Variants in NLGN1 observed in about 807,000 individuals in gnomAD.
NLGN1 encodes neuroligin 1, also known as neuroligin-1.
A neutral mutation model predicts 65.5 loss-of-function variants in NLGN1; 12 were observed. That is an observed-to-expected ratio of 0.18 (90% CI 0.12 to 0.30). The LOEUF (loss-of-function observed/expected upper bound fraction) is 0.30. NLGN1 is among the 10% of genes least tolerant of loss of function. The pLI is 1.00. For missense variants in NLGN1, 750 were observed against 1,007.1 expected (o/e 0.74, Z 3.46); for synonymous variants, 350 against 359.5 (o/e 0.97, Z 0.30).
rs572814782 is a variant in NLGN1 at position 173,502,435 on chromosome 3, T to C, written c.-321+67357T>C. Among the ~76,000 whole-genome samples the C allele has an allele frequency of 9.9e-5, 15 of 152,280 alleles. No homozygotes were observed. The East Asian group carries it at 2.9e-3, about 29-fold the overall frequency. The stretch of plus-strand genomic sequence containing the variant: ...GAGGTTTGTGCTGTGTCAAGCTATG[T>C]ATATAATAAATGCTTCCAGAGAATA... On this transcript the variant is annotated intron_variant, in intron 2 of 6. Coordinates refer to ENST00000457714, the Ensembl canonical transcript of NLGN1.
At chr3:174,049,546 T>C (rs538950806) in intron 4 of NLGN1, among the ~76,000 whole-genome samples, 5 of 152,176 alleles carry the variant, frequency 3.3e-5, no homozygotes, top group Non-Finnish European at 7.4e-5. Context: ...AAACTGAATG[T>C]CAGTGTGTAA....
At chr3:173,785,726 T>C (rs1781847577) in intron 3 of NLGN1, among the ~76,000 whole-genome samples, 1 of 152,132 alleles carries the variant, frequency 6.6e-6, no homozygotes, top group Non-Finnish European at 1.5e-5. Flanking sequence ...AGAGTGTATG[T>C]ATAATCTCTC....
intron 3 of NLGN1, among the ~76,000 whole-genome samples, chr3:173,732,517 G>A (rs961457614): frequency 1.3e-5 from 2 of 152,082 alleles, no homozygotes; most frequent in African/African-American, 4.8e-5. Flanking sequence ...GACACTTTGC[G>A]GCTGGGTTCG....
At chr3:173,460,984 C>T (rs976004627) in intron 2 of NLGN1, among the ~76,000 whole-genome samples, 2 of 152,098 alleles carry the variant, frequency 1.3e-5, no homozygotes, top group Non-Finnish European at 2.9e-5. Flanking sequence ...TCTGTGATTA[C>T]ATCTGGATGG....
chr3:173,511,316 C>T (rs1354165249), intron 2 of NLGN1, among the ~76,000 whole-genome samples: 1 of 152,126 alleles, frequency 6.6e-6, no homozygotes, highest in African/African-American at 2.4e-5. Flanking sequence ...CCCCAGTCCC[C>T]ACACACTCAC....
At chr3:174,019,743 G>A (rs574503095) in intron 4 of NLGN1, among the ~76,000 whole-genome samples, 48 of 152,118 alleles carry the variant, frequency 3.2e-4, no homozygotes, top group African/African-American at 1.2e-3. Context: ...AAGAAGAATG[G>A]GAATGGTTAC....
chr3:174,145,849 CTTAA>C (rs1723128874), intron 4 of NLGN1, among the ~76,000 whole-genome samples: 1 of 152,170 alleles, frequency 6.6e-6, no homozygotes, highest in Non-Finnish European at 1.5e-5. Flanking sequence ...ATCAACAAAA[CTTAA>C]TTAAATATTA....
chr3:173,513,900 C>T (rs530803255), intron 2 of NLGN1, among the ~76,000 whole-genome samples: 9 of 151,912 alleles, frequency 5.9e-5, no homozygotes, highest in South Asian at 4.2e-4. Context: ...TGGTGGTGGG[C>T]GCCTGTAATC....
At position 173,605,978 on chromosome 3, in the gene NLGN1, G is replaced by A. The variant is rs192433512; in HGVS notation, c.493+887G>A. Among the ~76,000 whole-genome samples the A allele has an allele frequency of 8.5e-5, 13 of 152,152 alleles. No individual in the cohort carries two copies. In the East Asian group the frequency reaches 2.5e-3, roughly 29 times the overall value. On this transcript the variant is annotated intron_variant, in intron 3 of 6. Transcript: ENST00000457714. ...CAGATATATATTTGTGTTCCTCTTA[G>A]AATTTGATCACTCAATCACAAATCT...
At chr3:173,803,118 G>C in intron 3 of NLGN1, among the ~76,000 whole-genome samples, 1 of 152,078 alleles carries the variant, frequency 6.6e-6, no homozygotes, top group East Asian at 1.9e-4. Context: ...TGGGGTTACA[G>C]GCGTGAGCCA....
upstream of NLGN1, among the ~76,000 whole-genome samples, chr3:173,397,629 TC>T (rs1487781543): frequency 2.0e-5 from 3 of 151,756 alleles, no homozygotes; most frequent in East Asian, 3.9e-4. Context: ...CCCCCGTCAG[TC>T]CCCCCACCCG....
intron 4 of NLGN1, among the ~76,000 whole-genome samples, chr3:174,063,708 CAGAA>C (rs1167722410): frequency 1.3e-5 from 2 of 151,842 alleles, no homozygotes; most frequent in Non-Finnish European, 1.5e-5. Flanking sequence ...GAGACAGAGA[CAGAA>C]AGAGACAGAT....
intron 4 of NLGN1, among the ~76,000 whole-genome samples, chr3:173,904,119 T>C (rs905845924): frequency 6.6e-6 from 1 of 152,222 alleles, no homozygotes; most frequent in East Asian, 1.9e-4. Flanking sequence ...TATTTTATTA[T>C]TTGAAAAGTC....
At position 174,231,744 on chromosome 3, in the gene NLGN1, C is replaced by CAT. The variant is rs1740741957; in HGVS notation, c.647-43570_647-43569dup. On this transcript the variant is annotated intron_variant, in intron 4 of 6. Transcript: ENST00000457714. Reference sequence around the variant, plus strand: ...CCCCCAGCCCAGAATCTTAGCCTGGCATGTTGCTCCCAAGTCACGCCAGCC... The same window carrying CAT: ...CCCCCAGCCCAGAATCTTAGCCTGGCATATGTTGCTCCCAAGTCACGCCAGCC... Among the ~76,000 whole-genome samples, 5 of 152,284 alleles carry CAT rather than the reference C, an allele frequency of 3.3e-5. No homozygotes were observed. In the South Asian group the frequency reaches 1.0e-3, roughly 32 times the overall value.
chr3:174,144,070 C>T (rs1272504395), intron 4 of NLGN1, among the ~76,000 whole-genome samples: 1 of 152,140 alleles, frequency 6.6e-6, no homozygotes, highest in African/African-American at 2.4e-5. Context: ...CCCCTAGCCT[C>T]CCACCCTCTG....
intron 2 of NLGN1, among the ~76,000 whole-genome samples, chr3:173,602,979 A>G (rs2149442794): frequency 6.6e-6 from 1 of 152,222 alleles, no homozygotes; most frequent in East Asian, 1.9e-4. Flanking sequence ...TTTCAAGGAA[A>G]GACATTTATC....
At chr3:173,830,159 G>A (rs530714462) in intron 4 of NLGN1, among the ~76,000 whole-genome samples, 1 of 152,260 alleles carries the variant, frequency 6.6e-6, no homozygotes, top group African/African-American at 2.4e-5. Context: ...ATCCCAGTAT[G>A]TATTCATCGA....
intron 4 of NLGN1, among the ~76,000 whole-genome samples, chr3:174,077,147 A>T (rs985601954): frequency 6.6e-6 from 1 of 152,122 alleles, no homozygotes; most frequent in African/African-American, 2.4e-5. Context: ...TGATGGACAC[A>T]TCGAGTGACA....
chr3:173,974,718 T>A (rs1717041844), intron 4 of NLGN1, among the ~76,000 whole-genome samples: 1 of 152,098 alleles, frequency 6.6e-6, no homozygotes, highest in South Asian at 2.1e-4. Context: ...GTTACATATG[T>A]TGGCAAAGAT....
Sources: allele counts gnomAD v4.1 joint callset (sites outside exome capture counted in the v4.1 genomes callset), GRCh38; gene constraint gnomAD v4.1.1; transcripts MANE v1.5; gene names NCBI Gene and HGNC (gene_info 2026-07-23, HGNC 2026-07-21).